Variants in RTTN observed in about 807,000 individuals in gnomAD.
RTTN encodes rotatin.
Under a neutral mutation model 269.2 loss-of-function variants are expected in RTTN, and 182 were observed. The ratio of observed to expected loss-of-function variants is 0.68; its 90% CI spans 0.60 to 0.76. The LOEUF (loss-of-function observed/expected upper bound fraction) is 0.76. RTTN is among the 30% of genes least tolerant of loss of function. The probability of loss-of-function intolerance (pLI) is 0.00; values close to 1 mark genes in which losing one functional copy is unlikely to be tolerated. For missense variants in RTTN, 2,545 were observed against 2,608.6 expected, an observed-to-expected ratio of 0.98 and a Z score of 0.53; for synonymous variants, 1,006 against 963.5, an observed-to-expected ratio of 1.04 and a Z score of -0.82.
At chr18:70,118,254 C>T (rs908483832) in intron 26 of RTTN, among the ~76,000 whole-genome samples, 16 of 151,554 alleles carry the variant, frequency 1.1e-4, no homozygotes, top group Non-Finnish European at 2.1e-4. Flanking sequence ...AAATGAGAAA[C>T]GAAAAGGGAA....
rs980519444 is a variant in RTTN, at chr18:70,178,485, T to C, written c.1306-1640A>G. On this transcript the variant is annotated intron_variant, in intron 10 of 48. Transcript: ENST00000640769. Reference sequence around the variant, plus strand: ...GAAAAAGTTGCATAGATAATGATAATGGTTGTACAACAATGTCACTGCAGA... The same window carrying C: ...GAAAAAGTTGCATAGATAATGATAACGGTTGTACAACAATGTCACTGCAGA... Among the ~76,000 whole-genome samples, 7 of 152,116 alleles carry C rather than the reference T, an allele frequency of 4.6e-5. No individual in the cohort carries two copies. In the East Asian group the frequency reaches 1.3e-3, roughly 29 times the overall value.
chr18:70,165,232 G>A (rs997299765), intron 14 of RTTN, among the ~76,000 whole-genome samples: 2 of 151,716 alleles, frequency 1.3e-5, no homozygotes, highest in Admixed American at 6.6e-5. Context: ...GAATGAACTA[G>A]GCAAATCTCA....
At position 70,114,472 on chromosome 18, in the gene RTTN, A is replaced by G; in HGVS notation, c.3656T>C (p.Leu1219Pro). 6.2e-7 allele frequency: 1 copy of G among 1,613,312 alleles called. No individual in the cohort carries two copies. The highest frequency in any genetic ancestry group is 2.2e-5 in the East Asian group (1 of 44,860). ...KELIALFDTL[L>P]LNFMEVTDRK... ...GTCAGTAACTTCCATGAAATTGAGC[A>G]GCAAGGTATCAAAAAGAGCAATCAG... Residue 1219 changes from leucine (L) to proline (P), a missense_variant, in exon 27 of 49, where the codon CTG becomes CCG. Physicochemically the swap from Leu to Pro is moderately conservative, Grantham distance 98 (BLOSUM62 -3). Transcript: ENST00000640769.
chr18:70,150,061 C>A lies in RTTN; in HGVS notation c.2082G>T (p.Leu694=), dbSNP rs1210162355. 5 of 1,613,220 alleles carry A rather than the reference C, an allele frequency of 3.1e-6. No homozygotes were observed. The highest frequency in any genetic ancestry group is 4.2e-6 in the Non-Finnish European group (5 of 1,179,346). ...SEVNTAAKAI[L]LYLLQGRLMM... ...TCAATCGTCCCTGAAGCAGGTATAA[C>A]AGAATGGCCTTGGCAGCAGTGTTCA... Residue 694 remains leucine, a synonymous_variant, in exon 16 of 49, where the codon CTG becomes CTT. Transcript: ENST00000640769.
chr18:70,085,925 T>G (rs79713840), intron 32 of RTTN, among the ~76,000 whole-genome samples: 2,230 of 152,188 alleles, frequency 0.015, 57 homozygotes, highest in African/African-American at 0.051. Context: ...CCACCACCAT[T>G]ACGCAATATA....
In RTTN at chr18:70,067,340, T is replaced by C. The variant is rs984071300; in HGVS notation, c.4654-1418A>G. Reference sequence around the variant, plus strand: ...ACGCCCGGCTAATTTTTTGTATTTTTAGTAGAGGCAGGGTTTCACTGTGTT... The same window carrying C: ...ACGCCCGGCTAATTTTTTGTATTTTCAGTAGAGGCAGGGTTTCACTGTGTT... On this transcript the variant is annotated intron_variant, in intron 34 of 48. Coordinates refer to ENST00000640769, the MANE Select transcript of RTTN (RefSeq NM_173630.4). Among the ~76,000 whole-genome samples the C allele has an allele frequency of 2.0e-5, 3 of 152,240 alleles. No homozygotes were observed. In the Middle Eastern group the frequency reaches 0.01, roughly 518 times the overall value.
At chr18:70,184,699 G>C (rs2061493514) in intron 10 of RTTN, among the ~76,000 whole-genome samples, 5 of 43,932 alleles carry the variant, frequency 1.1e-4, no homozygotes, top group East Asian at 1.1e-3. Flanking sequence ...CAAAACCACA[G>C]CAGGTTTTTT....
chr18:70,046,065 T>G (rs998783022), intron 40 of RTTN, among the ~76,000 whole-genome samples: 9 of 152,278 alleles, frequency 5.9e-5, no homozygotes, highest in African/African-American at 2.2e-4. Context: ...AGATTTTTTT[T>G]TTCCTGCGTA....
In RTTN at chr18:70,201,269, A is replaced by G. The variant is rs548617334; in HGVS notation, c.487+625T>C. Among the ~76,000 whole-genome samples, 357 of 152,294 alleles carry G rather than the reference A, an allele frequency of 2.3e-3. 1 individual carries two copies. The highest frequency in any genetic ancestry group is 8.3e-3 in the African/African-American group (343 of 41,568). On this transcript the variant is annotated intron_variant, in intron 4 of 48. Transcript: ENST00000640769. ...GGTGCCATCGTTAAGCTGGAGAACA[A>G]ATGAGATGACATGTGTAGTGCAGGG...
Position 70,149,993 on chromosome 18 carries a change from C to T in RTTN, c.2150G>A (p.Cys717Tyr). 1 of 1,610,942 alleles carries T rather than the reference C, an allele frequency of 6.2e-7. No individual in the cohort carries two copies. The highest frequency in any genetic ancestry group is 8.5e-7 in the Non-Finnish European group (1 of 1,177,294). The part of the protein sequence containing the change: ...LTWNKFIESL[C>Y]PVIPILQGYA... Reference sequence around the variant, plus strand: ...TACCTGTAGTATTGGGATGACAGGACAGAGAGATTCAATAAACTTGTTCCA... The same window carrying T: ...TACCTGTAGTATTGGGATGACAGGATAGAGAGATTCAATAAACTTGTTCCA... The change falls in exon 16 of 49, where the codon TGT becomes TAT. Residue 717 changes from cysteine to tyrosine, a missense_variant. By Grantham distance (194) the Cys-to-Tyr change is radical (BLOSUM62 -2). Coordinates refer to ENST00000640769, the MANE Select transcript of RTTN (RefSeq NM_173630.4).
chr18:70,148,499 T>A (rs1488427046), intron 17 of RTTN, among the ~76,000 whole-genome samples: 1 of 152,178 alleles, frequency 6.6e-6, no homozygotes, highest in African/African-American at 2.4e-5. Context: ...TGGCCTACTA[T>A]ACTTATGAAA....
intron 19 of RTTN, among the ~76,000 whole-genome samples, chr18:70,141,009 A>G (rs956275975): frequency 6.6e-6 from 1 of 152,170 alleles, no homozygotes. Context: ...TTGCCCCCCA[A>G]TATAGTGCAT....
chr18:70,009,796 A>T (rs1457511837), intron 46 of RTTN, among the ~76,000 whole-genome samples: 1 of 152,178 alleles, frequency 6.6e-6, no homozygotes, highest in Non-Finnish European at 1.5e-5. Context: ...AAATTGGATG[A>T]AGCGTCAAGA....
At chr18:70,170,233 T>C (rs1306944980) in intron 11 of RTTN, among the ~76,000 whole-genome samples, 1 of 152,212 alleles carries the variant, frequency 6.6e-6, no homozygotes, top group Non-Finnish European at 1.5e-5. Context: ...TCCTCCACTA[T>C]ATGCCAGGTA....
chr18:70,128,590 A>G, intron 23 of RTTN, 44 bp from the exon 24 acceptor site: 2 of 1,539,056 alleles, frequency 1.3e-6, no homozygotes, highest in Non-Finnish European at 1.8e-6. Flanking sequence ...TCAAATTCTT[A>G]AATGCTACTC....
At chr18:70,177,908 G>A (rs1330864180) in intron 10 of RTTN, among the ~76,000 whole-genome samples, 1 of 152,110 alleles carries the variant, frequency 6.6e-6, no homozygotes, top group African/African-American at 2.4e-5. Context: ...ATTATCATAT[G>A]ATCCAGCAAA....
chr18:70,197,096 G>A (rs2061828492), intron 6 of RTTN, among the ~76,000 whole-genome samples: 1 of 152,160 alleles, frequency 6.6e-6, no homozygotes, highest in African/African-American at 2.4e-5. Flanking sequence ...GCACCCACTG[G>A]AGTCCATTTC....
intron 7 of RTTN, among the ~76,000 whole-genome samples, 196 bp downstream of exon 7, chr18:70,196,305 A>C (rs941807286): frequency 6.6e-6 from 1 of 152,162 alleles, no homozygotes; most frequent in African/African-American, 2.4e-5. Context: ...AGAAAAAAAA[A>C]AAAAGGCTCA....
intron 39 of RTTN, among the ~76,000 whole-genome samples, chr18:70,048,762 T>C (rs2057566763): frequency 6.6e-6 from 1 of 152,110 alleles, no homozygotes; most frequent in South Asian, 2.1e-4. Flanking sequence ...GTCCAAATAT[T>C]AGTCAAGTTC....
Sources: gnomAD v4.1 joint callset for allele counts (sites outside exome capture counted in the v4.1 genomes callset) on GRCh38, gnomAD v4.1.1 for gene constraint, MANE v1.5 for transcripts, NCBI Gene and HGNC (gene_info 2026-07-23, HGNC 2026-07-21) for gene names.